DACH2: variants seen among roughly 807,000 people sequenced by gnomAD.
The protein encoded by DACH2 is dachshund homolog 2.
DACH2 carries 17 observed loss-of-function variants against 35.8 expected under a neutral mutation model. The observed-to-expected ratio is 0.48, with a 90% CI of 0.33 to 0.71. DACH2 has a LOEUF of 0.71. Among genes scored for constraint, DACH2 ranks in the 30% least tolerant of loss-of-function variants. The pLI is 0.02. For missense variants in DACH2, 469 were observed against 472.7 expected, an observed-to-expected ratio of 0.99 and a Z score of 0.07; for synonymous variants, 195 against 177.3, an observed-to-expected ratio of 1.10 and a Z score of -0.79.
At chrX:86,740,491 T>C (rs1414457941) in intron 7 of DACH2, among the ~76,000 whole-genome samples, 1 of 92,985 alleles carries the variant, frequency 1.1e-5, no homozygotes, top group Non-Finnish European at 2.1e-5. Context: ...CTCCTAATGC[T>C]ATCCCTCCCC....
intron 2 of DACH2, among the ~76,000 whole-genome samples, chrX:86,445,984 T>A (rs1390283007): frequency 9.0e-6 from 1 of 111,685 alleles, no homozygotes; most frequent in East Asian, 2.8e-4. Context: ...TTGCAGTCAA[T>A]CTCTCCCTTA....
chrX:86,299,480 CT>C (rs1229019196), intron 1 of DACH2, among the ~76,000 whole-genome samples: 1 of 111,539 alleles, frequency 9.0e-6, no homozygotes, highest in Non-Finnish European at 1.9e-5. Context: ...TTTGCTGGAT[CT>C]ATGTTAGCTA....
At chrX:86,727,674 G>A (rs761897728) in intron 6 of DACH2, among the ~76,000 whole-genome samples, 23 of 110,304 alleles carry the variant, frequency 2.1e-4, no homozygotes, top group Middle Eastern at 4.6e-3. Context: ...GGTGTGGCAC[G>A]TGCCCCATCA....
intron 7 of DACH2, among the ~76,000 whole-genome samples, chrX:86,765,815 A>G (rs1033809628): frequency 3.9e-5 from 4 of 101,839 alleles, no homozygotes; most frequent in African/African-American, 1.5e-4. Context: ...TTTTTATACC[A>G]CAGTGTTGAA....
intron 7 of DACH2, among the ~76,000 whole-genome samples, chrX:86,757,407 C>T (rs975909494): frequency 9.8e-5 from 11 of 111,898 alleles, no homozygotes; most frequent in Non-Finnish European, 1.9e-4. Flanking sequence ...GGGAGAATTT[C>T]TTCCAATTTA....
chrX:86,547,725 T>C (rs897008239), intron 3 of DACH2, among the ~76,000 whole-genome samples: 1 of 112,031 alleles, frequency 8.9e-6, no homozygotes. Context: ...TTAGCGCTGA[T>C]TGGGAAGGGT....
At chrX:86,349,934 C>T (rs1010583198) in intron 1 of DACH2, among the ~76,000 whole-genome samples, 2 of 111,560 alleles carry the variant, frequency 1.8e-5, no homozygotes, top group African/African-American at 3.3e-5. Context: ...AGGAGGCTGA[C>T]GTGGGCTGAT....
intron 3 of DACH2, among the ~76,000 whole-genome samples, chrX:86,615,127 AAG>A (rs761620918): frequency 7.4e-4 from 83 of 111,669 alleles, no homozygotes; most frequent in African/African-American, 2.6e-3. Context: ...AAATCAGACT[AAG>A]AGAATCTCTT....
chrX:86,484,017 A>AT (rs1484941677), intron 2 of DACH2, among the ~76,000 whole-genome samples: 2 of 111,149 alleles, frequency 1.8e-5, no homozygotes, highest in South Asian at 3.8e-4. Context: ...TTATATGTAT[A>AT]TTTTTTATTT....
At position 86,355,739 on chromosome X, in the gene DACH2, G is replaced by A. The variant is rs758852277; in HGVS notation, c.489-21085G>A. Among the ~76,000 whole-genome samples, 4 of 111,234 alleles carry A rather than the reference G, an allele frequency of 3.6e-5. No individual in the cohort carries two copies. The East Asian group carries it at 1.1e-3, about 32-fold the overall frequency. On this transcript the variant is annotated intron_variant, in intron 1 of 11. Transcript: ENST00000373125. Reference sequence around the variant, plus strand: ...ATAGCCTTTCTGACTGGCGTGAGATGGTATCTCATTGTGGTTTTGATTTGC... The same window carrying A: ...ATAGCCTTTCTGACTGGCGTGAGATAGTATCTCATTGTGGTTTTGATTTGC...
At chrX:86,316,912 G>T (rs144295347) in intron 1 of DACH2, among the ~76,000 whole-genome samples, 1,274 of 110,388 alleles carry the variant, frequency 0.012, 16 homozygotes, top group African/African-American at 0.041. Flanking sequence ...GAGGTCAGAA[G>T]TTCAATACCA....
At chrX:86,483,045 G>A (rs1479516100) in intron 2 of DACH2, among the ~76,000 whole-genome samples, 2 of 106,947 alleles carry the variant, frequency 1.9e-5, no homozygotes, top group Non-Finnish European at 3.9e-5. Context: ...GCTAGATGAC[G>A]AGTTAGTGGG....
intron 7 of DACH2, among the ~76,000 whole-genome samples, chrX:86,795,398 C>T (rs1250458247): frequency 9.1e-6 from 1 of 109,722 alleles, no homozygotes; most frequent in Non-Finnish European, 1.9e-5. Flanking sequence ...CACGCCCGGC[C>T]GATTTTTTGT....
chrX:86,631,658 A>G (rs1483976331), intron 3 of DACH2, among the ~76,000 whole-genome samples: 1 of 112,258 alleles, frequency 8.9e-6, no homozygotes, highest in African/African-American at 3.2e-5. Flanking sequence ...TTAATTGTAA[A>G]CCTCAAGATT....
intron 2 of DACH2, among the ~76,000 whole-genome samples, chrX:86,463,187 T>C (rs1281514224): frequency 9.0e-6 from 1 of 110,846 alleles, no homozygotes; most frequent in African/African-American, 3.3e-5. Flanking sequence ...ATGTATGTAT[T>C]ATTATATTTT....
At chrX:86,404,007 C>G (rs1365123094) in intron 2 of DACH2, among the ~76,000 whole-genome samples, 1 of 108,914 alleles carries the variant, frequency 9.2e-6, no homozygotes, top group African/African-American at 3.4e-5. Context: ...AGCACCAGAT[C>G]TCATGAAAAC....
intron 1 of DACH2, among the ~76,000 whole-genome samples, chrX:86,325,424 C>T (rs60083148): frequency 1.8e-5 from 2 of 111,522 alleles, no homozygotes; most frequent in African/African-American, 6.6e-5. Flanking sequence ...TTAGATGACT[C>T]TGATTGTCCT....
intron 2 of DACH2, among the ~76,000 whole-genome samples, chrX:86,477,016 G>C (rs973055577): frequency 3.6e-5 from 4 of 110,399 alleles, no homozygotes; most frequent in African/African-American, 1.3e-4. Flanking sequence ...GAAGATGCTT[G>C]ATAGTATTTG....
rs780420263 is a variant in DACH2, at chrX:86,323,107, G to A, written c.489-53717G>A. ...CGGATTCCTATTCCACTAGGTGGAG[G>A]TGTAAGCCTTGAAATACCAGGCAGT... On this transcript the variant is annotated intron_variant, in intron 1 of 11. Coordinates refer to ENST00000373125, the MANE Select transcript of DACH2 (RefSeq NM_053281.3). Among the ~76,000 whole-genome samples the A allele has an allele frequency of 4.4e-5, 5 of 112,385 alleles. No homozygotes were observed. The South Asian group carries it at 1.5e-3, about 33-fold the overall frequency.
Sources: gnomAD v4.1 joint callset for allele counts (sites outside exome capture counted in the v4.1 genomes callset) on GRCh38, gnomAD v4.1.1 for gene constraint, MANE v1.5 for transcripts, NCBI Gene and HGNC (gene_info 2026-07-23, HGNC 2026-07-21) for gene names.